CABLES1: variants seen among roughly 807,000 people sequenced by gnomAD.
The protein encoded by CABLES1 is Cdk5 and Abl enzyme substrate 1, also known as CDK5 and ABL1 enzyme substrate 1.
A neutral mutation model predicts 57.8 loss-of-function variants in CABLES1; 36 were observed. The ratio of observed to expected loss-of-function variants is 0.62; its 90% CI spans 0.48 to 0.82. The LOEUF is 0.82. Among genes scored for constraint, CABLES1 ranks in the 40% least tolerant of loss-of-function variants. CABLES1 has a pLI of 0.00. For missense variants in CABLES1, 767 were observed against 836.6 expected, an observed-to-expected ratio of 0.92 and a Z score of 1.03; for synonymous variants, 374 against 363.0, an observed-to-expected ratio of 1.03 and a Z score of -0.35.
chr18:23,147,979 CTTTTTTTTT>C (rs10603023), intron 1 of CABLES1, among the ~76,000 whole-genome samples: 3 of 78,358 alleles, frequency 3.8e-5, no homozygotes, highest in African/African-American at 5.6e-5. Flanking sequence ...GCTTGGCCTC[CTTTTTTTTT>C]TTTTTTTTTT....
In CABLES1 at chr18:23,232,017, G is replaced by A. The variant is rs75347750; in HGVS notation, c.1089-2591G>A. The stretch of plus-strand genomic sequence containing the variant: ...CATGCCATCTGCATGTACCAGTACC[G>A]GCGAGACAGCAAAGAGCCACACTAG... On this transcript the variant is annotated intron_variant, in intron 4 of 9. Coordinates refer to ENST00000256925, the MANE Select transcript of CABLES1 (RefSeq NM_001100619.3). Among the ~76,000 whole-genome samples the A allele has an allele frequency of 5.4e-3, 827 of 152,266 alleles. 3 individuals carry two copies. The highest frequency in any genetic ancestry group is 0.019 in the African/African-American group (784 of 41,560).
intron 1 of CABLES1, among the ~76,000 whole-genome samples, chr18:23,179,565 G>T (rs1005627065): frequency 2.6e-5 from 4 of 152,224 alleles, no homozygotes; most frequent in Non-Finnish European, 1.5e-5. Flanking sequence ...AAGACCAAAT[G>T]CTCCTCCAGT....
intron 7 of CABLES1, among the ~76,000 whole-genome samples, chr18:23,240,485 T>C (rs1159215049): frequency 6.6e-6 from 1 of 152,166 alleles, no homozygotes; most frequent in Non-Finnish European, 1.5e-5. Flanking sequence ...AGACCCTGGC[T>C]CCTTTGAGCC....
At chr18:23,238,074 C>T (rs926608784) in intron 7 of CABLES1, among the ~76,000 whole-genome samples, 12 of 152,268 alleles carry the variant, frequency 7.9e-5, no homozygotes, top group Admixed American at 2.6e-4. Context: ...CTGGCGGGGC[C>T]GGCACAGCCG....
chr18:23,233,952 C>A (rs1021493104), intron 4 of CABLES1, among the ~76,000 whole-genome samples: 1 of 152,300 alleles, frequency 6.6e-6, no homozygotes, highest in African/African-American at 2.4e-5. Context: ...TGCTGTGGCT[C>A]ACGCCTGTAA....
At chr18:23,236,340 A>G (rs1445906292) in intron 6 of CABLES1, among the ~76,000 whole-genome samples, 1 of 151,892 alleles carries the variant, frequency 6.6e-6, no homozygotes, top group Non-Finnish European at 1.5e-5. Flanking sequence ...CTGACCACTC[A>G]GCTCCCCCCA....
At chr18:23,246,841 C>T (rs1022986257) in intron 7 of CABLES1, among the ~76,000 whole-genome samples, 18 of 150,388 alleles carry the variant, frequency 1.2e-4, no homozygotes, top group Non-Finnish European at 5.9e-5. Flanking sequence ...TATAGGCATG[C>T]ACCACCACGC....
intron 7 of CABLES1, among the ~76,000 whole-genome samples, chr18:23,247,496 C>A (rs867645279): frequency 1.3e-5 from 2 of 152,214 alleles, no homozygotes; most frequent in South Asian, 4.1e-4. Context: ...TTGCCTGGTC[C>A]GCTGTGGCAG....
chr18:23,165,567 A>C (rs886644835), intron 1 of CABLES1, among the ~76,000 whole-genome samples: 2 of 150,188 alleles, frequency 1.3e-5, no homozygotes, highest in East Asian at 2.0e-4. Flanking sequence ...TCTGCTTTCT[A>C]TTGCTATGAA....
chr18:23,217,788 T>C (rs1006035201), intron 4 of CABLES1, among the ~76,000 whole-genome samples: 3 of 152,220 alleles, frequency 2.0e-5, no homozygotes, highest in African/African-American at 7.2e-5. Context: ...CAGTGGAAAA[T>C]TCCTTTACTT....
intron 1 of CABLES1, among the ~76,000 whole-genome samples, chr18:23,182,009 G>T (rs553182865): frequency 2.6e-5 from 4 of 152,276 alleles, no homozygotes; most frequent in Non-Finnish European, 4.4e-5. Context: ...GTGCCATCCA[G>T]TGGCCCAGCG....
chr18:23,246,000 G>A (rs1568088179), intron 7 of CABLES1, among the ~76,000 whole-genome samples: 1 of 152,222 alleles, frequency 6.6e-6, no homozygotes, highest in Admixed American at 6.5e-5. Flanking sequence ...GGGCACGGTG[G>A]CTCACGCCTG....
At chr18:23,237,530 C>T (rs1219428247) in intron 7 of CABLES1, among the ~76,000 whole-genome samples, 1 of 152,246 alleles carries the variant, frequency 6.6e-6, no homozygotes, top group Non-Finnish European at 1.5e-5. Flanking sequence ...CGAGCTTATA[C>T]CTCCACAAAC....
chr18:23,135,948 C>A lies in CABLES1; in HGVS notation c.186C>A (p.Arg62=). 1 of 1,132,324 alleles carries A rather than the reference C, an allele frequency of 8.8e-7. No individual in the cohort carries two copies. The highest frequency in any genetic ancestry group is 1.1e-6 in the Non-Finnish European group (1 of 927,244). 70.1% of individuals were successfully genotyped at this position (1,132,324 alleles called of 1,614,324 possible). A position where few individuals can be genotyped will look rare whatever the true frequency, so the allele number is the denominator to read the frequency against. Residue 62 remains arginine (R), a synonymous_variant, in exon 1 of 10, where the codon CGC becomes CGA. Transcript: ENST00000256925. ...AGCCGCGCATGGACCCGCGGCGCCG[C>A]CAGGCTGCCCTCTCCTTCCTCACCA... ...PRKPRMDPRR[R]QAALSFLTNI...
intron 1 of CABLES1, among the ~76,000 whole-genome samples, chr18:23,151,296 G>T (rs577724205): frequency 7.2e-5 from 11 of 152,014 alleles, no homozygotes; most frequent in African/African-American, 2.4e-4. Flanking sequence ...GGGATTACAT[G>T]CGTGAGCCAC....
chr18:23,233,465 G>A (rs1598843721), intron 4 of CABLES1, among the ~76,000 whole-genome samples: 1 of 152,260 alleles, frequency 6.6e-6, no homozygotes, highest in East Asian at 1.9e-4. Context: ...CTGTAAATTG[G>A]ATCAAAATAG....
intron 4 of CABLES1, among the ~76,000 whole-genome samples, chr18:23,215,613 C>G (rs1307982666): frequency 6.6e-6 from 1 of 152,140 alleles, no homozygotes. Context: ...CTCATTCATT[C>G]ATTTATTGAG....
intron 7 of CABLES1, among the ~76,000 whole-genome samples, chr18:23,241,298 A>C (rs962184888): frequency 6.6e-6 from 1 of 151,872 alleles, no homozygotes; most frequent in South Asian, 2.1e-4. Flanking sequence ...GAGGTGGGTA[A>C]GGTGGGGGGA....
chr18:23,211,314 T>A (rs961541649), intron 3 of CABLES1, among the ~76,000 whole-genome samples: 5 of 152,220 alleles, frequency 3.3e-5, no homozygotes, highest in Admixed American at 2.6e-4. Flanking sequence ...CCTGCCACTG[T>A]GTTGCAGAGG....
Sources: allele counts gnomAD v4.1 joint callset (sites outside exome capture counted in the v4.1 genomes callset), GRCh38; gene constraint gnomAD v4.1.1; transcripts MANE v1.5; gene names NCBI Gene and HGNC (gene_info 2026-07-23, HGNC 2026-07-21).